The following TBC1D15 variants were observed in gnomAD, a reference collection of about 807,000 sequenced individuals.
The protein encoded by TBC1D15 is TBC1 domain family member 15, also known as GAP for RAB7.
TBC1D15 carries 39 observed loss-of-function variants against 95.4 expected under a neutral mutation model. The observed-to-expected ratio is 0.41, with a 90% CI of 0.32 to 0.53. The LOEUF (loss-of-function observed/expected upper bound fraction) is 0.53. Among genes scored for constraint, TBC1D15 ranks in the 20% least tolerant of loss-of-function variants. TBC1D15 has a pLI of 0.29. For synonymous variants in TBC1D15, 258 were observed against 261.3 expected (o/e 0.99, Z 0.12); for missense variants, 733 against 794.3 (o/e 0.92, Z 0.93).
intron 3 of TBC1D15, among the ~76,000 whole-genome samples, chr12:71,873,647 CTT>C (rs1301403030): frequency 6.6e-6 from 1 of 152,172 alleles, no homozygotes; most frequent in African/African-American, 2.4e-5. Flanking sequence ...AACTGCCACA[CTT>C]TTTCAGAGCA....
Position 71,849,829 on chromosome 12 carries a change from T to C in TBC1D15, c.30+10018T>C, listed in dbSNP as rs577147467. ...TCTGTTTCTAACTCTAATAGACTTT[T>C]GCCATTCTGTAGTAAAATGTGGAGT... On this transcript the variant is annotated intron_variant, in intron 1 of 16. Transcript: ENST00000485960. 1.3e-5 allele frequency: 7 copies of C among 555,396 alleles called. No homozygotes were observed. In the Admixed American group the frequency reaches 1.6e-4, roughly 13 times the overall value. The allele number at this position is 555,396 out of a possible 1,614,324, so 34.4% of individuals were successfully genotyped here. A position where few individuals can be genotyped will look rare whatever the true frequency, so the allele number is the denominator to read the frequency against.
intron 8 of TBC1D15, 100 bp downstream of exon 8, chr12:71,896,175 G>A: frequency 1.2e-6 from 1 of 812,026 alleles, no homozygotes; most frequent in Non-Finnish European, 1.7e-6. Context: ...TTTGTTGTTG[G>A]TTTTTTTTTT....
At chr12:71,844,844 C>T (rs535599797) in intron 1 of TBC1D15, among the ~76,000 whole-genome samples, 57 of 152,314 alleles carry the variant, frequency 3.7e-4, no homozygotes, top group African/African-American at 1.2e-3. Flanking sequence ...TTACATAATA[C>T]TGCTAGTTTA....
rs1056320112 is a variant in TBC1D15, at chr12:71,895,333, A to G, written c.855+450A>G. ...TGGCAGATCTTTATATGTGCTCAGT[A>G]AGATTTAAATTTGCTACAATTCTAG... On this transcript the variant is annotated intron_variant, in intron 7 of 16. Coordinates refer to ENST00000485960, the MANE Select transcript of TBC1D15 (RefSeq NM_001146213.3). Among the ~76,000 whole-genome samples, 53 of 152,216 alleles carry G rather than the reference A, an allele frequency of 3.5e-4. 1 individual carries two copies. Among genetic ancestry groups the G allele is most frequent in the African/African-American group, 1.1e-3 (44 of 41,566 alleles).
intron 14 of TBC1D15, among the ~76,000 whole-genome samples, chr12:71,919,611 T>C (rs911422982): frequency 1.3e-5 from 2 of 152,182 alleles, no homozygotes; most frequent in African/African-American, 4.8e-5. Flanking sequence ...GTTCTCAGAT[T>C]AGAAGTAAAA....
At chr12:71,908,884 G>A (rs979010110) in intron 11 of TBC1D15, among the ~76,000 whole-genome samples, 1 of 152,144 alleles carries the variant, frequency 6.6e-6, no homozygotes, top group Non-Finnish European at 1.5e-5. Flanking sequence ...AGAGACCCAG[G>A]TTTTTATTGC....
intron 1 of TBC1D15, among the ~76,000 whole-genome samples, chr12:71,869,352 AT>A (rs1892179522): frequency 6.6e-6 from 1 of 152,148 alleles, no homozygotes; most frequent in Non-Finnish European, 1.5e-5. Flanking sequence ...GTGAAACCCC[AT>A]CTCTACTAAA....
chr12:71,883,107 GT>G (rs1895540505), intron 4 of TBC1D15, among the ~76,000 whole-genome samples: 1 of 150,550 alleles, frequency 6.6e-6, no homozygotes, highest in Admixed American at 6.6e-5. Flanking sequence ...TCTATATGTA[GT>G]TTTTTGGGTT....
intron 1 of TBC1D15, chr12:71,850,082 G>T: frequency 5.8e-6 from 3 of 516,664 alleles, no homozygotes; most frequent in South Asian, 1.7e-5. Flanking sequence ...TTTAAATTAT[G>T]ATAATCTAAT....
In TBC1D15 at chr12:71,891,529, T is replaced by C. The variant is rs555028403; in HGVS notation, c.555-1693T>C. 2.0e-5 allele frequency among the ~76,000 whole-genome samples: 3 copies of C among 152,284 alleles called. No individual in the cohort carries two copies. In the South Asian group the frequency reaches 6.2e-4, roughly 32 times the overall value. On this transcript the variant is annotated intron_variant, in intron 5 of 16. Coordinates refer to ENST00000485960, the MANE Select transcript of TBC1D15 (RefSeq NM_001146213.3). ...TTCTGGTAATATTTTGGAATACCAG[T>C]CTTCCTTATGGTGAGCTCTGCAATT...
intron 3 of TBC1D15, among the ~76,000 whole-genome samples, chr12:71,876,233 A>G (rs959634203): frequency 6.6e-6 from 1 of 152,236 alleles, no homozygotes; most frequent in Non-Finnish European, 1.5e-5. Flanking sequence ...CAAGGCAATT[A>G]TAAACCTTGT....
chr12:71,852,693 A>G (rs529337672), intron 1 of TBC1D15, among the ~76,000 whole-genome samples: 1 of 152,288 alleles, frequency 6.6e-6, no homozygotes, highest in South Asian at 2.1e-4. Flanking sequence ...AGTTCCACAG[A>G]TCCCTAGAGC....
chr12:71,848,655 C>A (rs1387419300), intron 1 of TBC1D15, among the ~76,000 whole-genome samples: 1 of 151,852 alleles, frequency 6.6e-6, no homozygotes, highest in Non-Finnish European at 1.5e-5. Flanking sequence ...TATTTTTATT[C>A]ATCTTATATA....
intron 1 of TBC1D15, among the ~76,000 whole-genome samples, chr12:71,857,895 G>A (rs896528036): frequency 1.3e-5 from 2 of 151,840 alleles, no homozygotes; most frequent in Non-Finnish European, 2.9e-5. Context: ...TTTCTACTTC[G>A]TTGAAGCCAA....
intron 1 of TBC1D15, among the ~76,000 whole-genome samples, chr12:71,863,705 T>C (rs1245159191): frequency 1.3e-5 from 2 of 152,200 alleles, no homozygotes; most frequent in African/African-American, 2.4e-5. Flanking sequence ...ATAAGGCATA[T>C]AGGCTTTTGT....
In TBC1D15 at chr12:71,918,843, T is replaced by C. The variant is rs545252353; in HGVS notation, c.1599+295T>C. Among the ~76,000 whole-genome samples, 396 of 152,362 alleles carry C rather than the reference T, an allele frequency of 2.6e-3. 3 individuals carry two copies. The highest frequency in any genetic ancestry group is 3.1e-3 in the Non-Finnish European group (213 of 68,026). ...GTTCTTCCTTTGTGAGACTTGACTT[T>C]ATGTGAGGCTTTGCCACATCTGTTA... On this transcript the variant is annotated intron_variant, in intron 14 of 16. Coordinates refer to ENST00000485960, the MANE Select transcript of TBC1D15 (RefSeq NM_001146213.3).
Position 71,894,901 on chromosome 12 carries a change from T to C in TBC1D15, c.855+18T>C. 1.2e-6 allele frequency: 2 copies of C among 1,600,314 alleles called. No individual in the cohort carries two copies. The highest frequency in any genetic ancestry group is 1.7e-6 in the Non-Finnish European group (2 of 1,170,432). ...TCACAAGAGTGAGTAAAGATTAGTA[T>C]TAATATAGCTCTTATATTTTAACAG... On this transcript the variant is annotated intron_variant, in intron 7 of 16. Transcript: ENST00000485960.
At chr12:71,863,140 A>T (rs1380766851) in intron 1 of TBC1D15, among the ~76,000 whole-genome samples, 1 of 152,112 alleles carries the variant, frequency 6.6e-6, no homozygotes, top group Non-Finnish European at 1.5e-5. Flanking sequence ...GCACTTTGGG[A>T]GGCTGAGGCG....
chr12:71,877,187 A>G (rs1271771539), intron 3 of TBC1D15, among the ~76,000 whole-genome samples: 1 of 140,660 alleles, frequency 7.1e-6, no homozygotes, highest in African/African-American at 2.7e-5. Context: ...TCCTGATCCC[A>G]TGTTATGTGT....
Sources: allele counts gnomAD v4.1 joint callset (sites outside exome capture counted in the v4.1 genomes callset), GRCh38; gene constraint gnomAD v4.1.1; transcripts MANE v1.5; gene names NCBI Gene and HGNC (gene_info 2026-07-23, HGNC 2026-07-21).